The following PRKCH variants were observed in gnomAD, a reference collection of about 807,000 sequenced individuals.
The protein encoded by PRKCH is protein kinase C eta type.
Under a neutral mutation model 82.5 loss-of-function variants are expected in PRKCH, and 28 were observed. That is an observed-to-expected ratio of 0.34 (90% confidence interval 0.25 to 0.47). The LOEUF (loss-of-function observed/expected upper bound fraction) is 0.47, where lower values mean the gene tolerates loss of function less well. PRKCH is among the 20% of genes least tolerant of loss of function. The pLI is 1.00. For missense variants in PRKCH, 705 were observed against 881.8 expected, an observed-to-expected ratio of 0.80 and a Z score of 2.54; for synonymous variants, 322 against 327.4, an observed-to-expected ratio of 0.98 and a Z score of 0.18.
At chr14:61,452,497 G>A (rs1884557716) in intron 6 of PRKCH, among the ~76,000 whole-genome samples, 2 of 152,128 alleles carry the variant, frequency 1.3e-5, no homozygotes, top group Admixed American at 6.5e-5. Flanking sequence ...AGCTGATAAC[G>A]CCTCAGATCC....
chr14:61,228,975 T>C (rs55672279), intron 1 of PRKCH, among the ~76,000 whole-genome samples: 24,937 of 151,990 alleles, frequency 0.16, 2,669 homozygotes, highest in African/African-American at 0.27. Context: ...GTAATACATT[T>C]CACCTTTCTG....
At chr14:61,367,928 A>G (rs1010135789) in intron 1 of PRKCH, among the ~76,000 whole-genome samples, 1 of 151,652 alleles carries the variant, frequency 6.6e-6, no homozygotes, top group Non-Finnish European at 1.5e-5. Context: ...GCTAACCAGG[A>G]TGGTCTCGAC....
chr14:61,196,371 T>C lies in PRKCH; in HGVS notation c.-19+8703T>C, dbSNP rs916841261. On this transcript the variant is annotated intron_variant, in intron 1 of 3. Coordinates refer to the PRKCH transcript ENST00000555185. ...TTGATAATGGCCCAGTTTCCGCCTT[T>C]GGATGATGATACTAGTTTAGGTAAT... Among the ~76,000 whole-genome samples the C allele has an allele frequency of 5.3e-5, 8 of 152,312 alleles. 1 individual carries two copies. Among genetic ancestry groups the C allele is most frequent in the Admixed American group, 6.5e-5 (1 of 15,298 alleles).
chr14:61,229,954 T>C (rs962190927), intron 1 of PRKCH, among the ~76,000 whole-genome samples: 1 of 152,204 alleles, frequency 6.6e-6, no homozygotes, highest in Non-Finnish European at 1.5e-5. Context: ...TAAAGGTTTT[T>C]TGGGGTGGGA....
intron 1 of PRKCH, among the ~76,000 whole-genome samples, chr14:61,252,884 G>A (rs1010227213): frequency 6.6e-6 from 1 of 152,082 alleles, no homozygotes; most frequent in Non-Finnish European, 1.5e-5. Flanking sequence ...TCTTCATTCT[G>A]CAGCCTGACG....
chr14:61,410,457 C>G (rs952820644), intron 2 of PRKCH, among the ~76,000 whole-genome samples: 12 of 152,136 alleles, frequency 7.9e-5, no homozygotes, highest in African/African-American at 2.9e-4. Flanking sequence ...CTAGGCTCAG[C>G]TGCTTCTGAG....
rs139346770 is a variant in PRKCH at position 61,201,006 on chromosome 14, A to G, written c.-19+13338A>G. 5.0e-3 allele frequency among the ~76,000 whole-genome samples: 763 copies of G among 152,256 alleles called. 15 individuals carry two copies. Among genetic ancestry groups the G allele is most frequent in the African/African-American group, 0.017 (706 of 41,558 alleles). On this transcript the variant is annotated intron_variant, in intron 1 of 3. Transcript: ENST00000555185. ...ATTAGAAAAGTCAGAAAATACAAAA[A>G]ATCATGGTTTAAACATGAAGCAAAC...
chr14:61,540,321 G>A (rs376770242), intron 12 of PRKCH, among the ~76,000 whole-genome samples: 166 of 152,354 alleles, frequency 1.1e-3, no homozygotes, highest in African/African-American at 3.7e-3. Flanking sequence ...GAAGTCCTGA[G>A]TGTCATTTAT....
rs939324817 is a variant in PRKCH at position 61,550,847 on chromosome 14, A to C, written c.*1016A>C. On this transcript the variant is annotated 3_prime_UTR_variant, in exon 14 of 14. Transcript: ENST00000332981. ...TTTAAGATGCAAAGATGTGTGTTTG[A>C]TATTCACTTTAATAATTAGAAATGG... is the stretch of plus-strand genomic sequence containing the variant. The C allele has an allele frequency of 6.6e-6, 1 of 152,222 alleles. No homozygotes were observed. The highest frequency in any genetic ancestry group is 1.5e-5 in the Non-Finnish European group (1 of 68,036). The allele number at this position is 152,222 out of a possible 1,614,324, so 9.4% of individuals were successfully genotyped here. A position where few individuals can be genotyped will look rare whatever the true frequency, so the allele number is the denominator to read the frequency against.
intron 1 of PRKCH, among the ~76,000 whole-genome samples, chr14:61,192,618 T>G (rs1489459567): frequency 6.6e-6 from 1 of 152,188 alleles, no homozygotes; most frequent in Non-Finnish European, 1.5e-5. Context: ...GGTAGTGCCC[T>G]TGGTAGGGTG....
chr14:61,362,043 T>G (rs1219487824), intron 1 of PRKCH, among the ~76,000 whole-genome samples: 1 of 152,180 alleles, frequency 6.6e-6, no homozygotes, highest in Non-Finnish European at 1.5e-5. Context: ...CTGTATTATC[T>G]AAAAGGAAAC....
intron 1 of PRKCH, among the ~76,000 whole-genome samples, chr14:61,251,392 T>C (rs970966773): frequency 2.6e-5 from 4 of 152,198 alleles, no homozygotes; most frequent in African/African-American, 9.6e-5. Context: ...TTCTATTCTC[T>C]ATCTTCATGA....
intron 2 of PRKCH, among the ~76,000 whole-genome samples, chr14:61,401,994 G>T (rs1358341259): frequency 6.6e-6 from 1 of 152,240 alleles, no homozygotes. Context: ...AGTATTTGGT[G>T]CCAGTGATAA....
chr14:61,284,272 G>T (rs1391940338), intron 1 of PRKCH, among the ~76,000 whole-genome samples: 2 of 152,230 alleles, frequency 1.3e-5, no homozygotes, highest in African/African-American at 4.8e-5. Flanking sequence ...CAGGGCAGAT[G>T]AATTTGAAAG....
intron 1 of PRKCH, among the ~76,000 whole-genome samples, chr14:61,215,758 G>A (rs1020254097): frequency 6.6e-6 from 1 of 152,198 alleles, no homozygotes; most frequent in African/African-American, 2.4e-5. Context: ...CCCTGCTATA[G>A]CTATGTTCCA....
At chr14:61,480,328 A>G (rs1266431265) in intron 9 of PRKCH, among the ~76,000 whole-genome samples, 2 of 152,176 alleles carry the variant, frequency 1.3e-5, no homozygotes, top group Non-Finnish European at 2.9e-5. Context: ...TGCTTCACCT[A>G]GTTGCTTCAC....
At chr14:61,422,709 T>C (rs1012322513) in intron 2 of PRKCH, among the ~76,000 whole-genome samples, 3 of 152,212 alleles carry the variant, frequency 2.0e-5, no homozygotes, top group Non-Finnish European at 4.4e-5. Flanking sequence ...CCTAGACCAC[T>C]GGTTTTCAGG....
intron 5 of PRKCH, among the ~76,000 whole-genome samples, chr14:61,450,558 T>C (rs1278726468): frequency 6.6e-6 from 1 of 152,206 alleles, no homozygotes; most frequent in East Asian, 1.9e-4. Flanking sequence ...GAGAGAAATA[T>C]GGCCTGAATA....
intron 9 of PRKCH, among the ~76,000 whole-genome samples, chr14:61,460,413 T>G (rs1884976833): frequency 6.6e-6 from 1 of 152,216 alleles, no homozygotes; most frequent in South Asian, 2.1e-4. Context: ...GTAGTATTGC[T>G]TGGTCAAAGG....
Sources: allele counts gnomAD v4.1 joint callset (sites outside exome capture counted in the v4.1 genomes callset), GRCh38; gene constraint gnomAD v4.1.1; transcripts MANE v1.5; gene names NCBI Gene and HGNC (gene_info 2026-07-23, HGNC 2026-07-21).